PDE1A: variants seen among roughly 807,000 people sequenced by gnomAD.
The protein encoded by PDE1A is dual specificity calcium/calmodulin-dependent 3',5'-cyclic nucleotide phosphodiesterase 1A.
Under a neutral mutation model 61.7 loss-of-function variants are expected in PDE1A, and 35 were observed. The observed-to-expected ratio is 0.57, with a 90% CI of 0.43 to 0.75. The LOEUF (loss-of-function observed/expected upper bound fraction) is 0.75, where lower values mean the gene tolerates loss of function less well. Among genes scored for constraint, PDE1A ranks in the 30% least tolerant of loss-of-function variants. PDE1A has a pLI of 0.00. For missense variants in PDE1A, 597 were observed against 630.6 expected (o/e 0.95, Z 0.57); for synonymous variants, 232 against 213.2 (o/e 1.09, Z -0.77).
At chr2:182,413,929 A>T (rs935446846) in intron 1 of PDE1A, among the ~76,000 whole-genome samples, 5 of 152,112 alleles carry the variant, frequency 3.3e-5, no homozygotes, top group African/African-American at 4.8e-5. Flanking sequence ...ACTTATTATT[A>T]TTGTTATTAT....
At chr2:182,310,823 T>C (rs1695917304) in intron 1 of PDE1A, among the ~76,000 whole-genome samples, 1 of 152,170 alleles carries the variant, frequency 6.6e-6, no homozygotes, top group Non-Finnish European at 1.5e-5. Context: ...GCTCAAACTA[T>C]ATCTCCCAGT....
intron 10 of PDE1A, among the ~76,000 whole-genome samples, chr2:182,189,620 C>T (rs964521457): frequency 6.6e-6 from 1 of 152,096 alleles, no homozygotes; most frequent in Non-Finnish European, 1.5e-5. Flanking sequence ...TTAATGTTTT[C>T]TTCTCAGAGA....
upstream of PDE1A, among the ~76,000 whole-genome samples, chr2:182,429,261 A>G (rs1414579302): frequency 1.3e-5 from 2 of 152,116 alleles, no homozygotes; most frequent in East Asian, 3.9e-4. Flanking sequence ...TTAACATTGG[A>G]AAAAAGTTGG....
chr2:182,584,125 C>T, the PDE1A span, among the ~76,000 whole-genome samples: 1 of 152,032 alleles, frequency 6.6e-6, no homozygotes, highest in East Asian at 1.9e-4. Flanking sequence ...AGAGAGAGAA[C>T]ACAGCAGTGT....
the PDE1A span, among the ~76,000 whole-genome samples, chr2:182,582,565 G>C: frequency 6.6e-6 from 1 of 152,174 alleles, no homozygotes; most frequent in Non-Finnish European, 1.5e-5. Flanking sequence ...AATGAGTAAG[G>C]ATATATGGAC....
rs142580306 is a variant in PDE1A at position 182,273,692 on chromosome 2, T to C, written c.54-9278A>G. 2.6e-5 allele frequency among the ~76,000 whole-genome samples: 4 copies of C among 152,140 alleles called. No homozygotes were observed. The East Asian group carries it at 7.7e-4, about 29-fold the overall frequency. On this transcript the variant is annotated intron_variant, in intron 1 of 13. Transcript: ENST00000351439. The stretch of plus-strand genomic sequence containing the variant: ...GAAAGAAAAAAGTGTGTTGAGTACT[T>C]TTACAAAAATCAAATTAAATTGTGG...
intron 2 of PDE1A, among the ~76,000 whole-genome samples, chr2:182,499,605 A>G (rs1283175685): frequency 6.6e-6 from 1 of 152,218 alleles, no homozygotes; most frequent in Non-Finnish European, 1.5e-5. Flanking sequence ...ACATCACACA[A>G]AAAGAAGACT....
chr2:182,274,353 C>T (rs10165500), intron 1 of PDE1A, among the ~76,000 whole-genome samples: 7,304 of 152,012 alleles, frequency 0.048, 537 homozygotes, highest in African/African-American at 0.17. Context: ...AACATGCATA[C>T]GGAAAAAAAC....
intron 1 of PDE1A, among the ~76,000 whole-genome samples, chr2:182,271,101 C>A (rs1692985397): frequency 6.7e-6 from 1 of 149,490 alleles, no homozygotes; most frequent in Non-Finnish European, 1.5e-5. Flanking sequence ...TGGCATAATG[C>A]ACAGCATGAG....
chr2:182,605,555 G>T, the PDE1A span, among the ~76,000 whole-genome samples: 6 of 152,320 alleles, frequency 3.9e-5, no homozygotes, highest in East Asian at 1.2e-3. Context: ...TGAAATACGG[G>T]TAAGAAATAA....
upstream of PDE1A, among the ~76,000 whole-genome samples, chr2:182,430,181 G>A (rs1703861072): frequency 6.6e-6 from 1 of 150,680 alleles, no homozygotes; most frequent in Admixed American, 6.6e-5. Context: ...CCTACAACAT[G>A]GGAGAAAATT....
chr2:182,152,881 ATG>A (rs1214222800), intron 13 of PDE1A, among the ~76,000 whole-genome samples: 1 of 152,214 alleles, frequency 6.6e-6, no homozygotes, highest in African/African-American at 2.4e-5. Context: ...TAATTCCAAA[ATG>A]TGCTAGCTCC....
At chr2:182,711,422 T>C in the PDE1A span, among the ~76,000 whole-genome samples, 7 of 151,466 alleles carry the variant, frequency 4.6e-5, no homozygotes, top group Admixed American at 2.0e-4. Flanking sequence ...ATTGGAAATA[T>C]TGGTGTAAAC....
At chr2:182,279,423 CT>C (rs5836833) in intron 1 of PDE1A, among the ~76,000 whole-genome samples, 35,384 of 151,864 alleles carry the variant, frequency 0.23, 4,276 homozygotes, top group Admixed American at 0.33. Context: ...TAAGAGCAAC[CT>C]TCCTTGTAGA....
At chr2:182,518,365 T>A (rs1690346803) in intron 2 of PDE1A, among the ~76,000 whole-genome samples, 1 of 152,212 alleles carries the variant, frequency 6.6e-6, no homozygotes, top group African/African-American at 2.4e-5. Flanking sequence ...AAGATTACCA[T>A]CTAATTCTTC....
At chr2:182,268,386 T>C (rs1692783018) in intron 1 of PDE1A, among the ~76,000 whole-genome samples, 3 of 152,216 alleles carry the variant, frequency 2.0e-5, no homozygotes, top group South Asian at 4.1e-4. Context: ...TAGATATTAG[T>C]ACATATATAA....
At chr2:182,716,337 T>A in the PDE1A span, 1 of 152,224 alleles carries the variant, frequency 6.6e-6, no homozygotes, top group Non-Finnish European at 1.5e-5. Flanking sequence ...TGGCTGCACC[T>A]CACCAATCCC....
chr2:182,658,125 C>T, the PDE1A span, among the ~76,000 whole-genome samples: 11 of 149,348 alleles, frequency 7.4e-5, no homozygotes, highest in African/African-American at 2.7e-4. Context: ...CTAGGGCTGC[C>T]ATAACAAAGT....
At chr2:182,240,038 A>G (rs780083960) in intron 3 of PDE1A, 72 bp downstream of exon 3, 50 of 1,358,690 alleles carry the variant, frequency 3.7e-5, no homozygotes, top group Non-Finnish European at 4.5e-5. Context: ...GACTGCTCAT[A>G]CCCTTGAAAA....
Sources: allele counts gnomAD v4.1 joint callset (sites outside exome capture counted in the v4.1 genomes callset), GRCh38; gene constraint gnomAD v4.1.1; transcripts MANE v1.5; gene names NCBI Gene and HGNC (gene_info 2026-07-23, HGNC 2026-07-21).